MACF1: variants seen among roughly 807,000 people sequenced by gnomAD.
MACF1 encodes the protein microtubule-actin cross-linking factor 1.
MACF1 carries 193 observed loss-of-function variants against 854.8 expected under a neutral mutation model. The observed-to-expected ratio is 0.23, with a 90% CI of 0.20 to 0.25. The LOEUF is 0.25. Among genes scored for constraint, MACF1 ranks in the 10% least tolerant of loss-of-function variants. The probability of loss-of-function intolerance (pLI) is 1.00; values close to 1 mark genes in which losing one functional copy is unlikely to be tolerated. For synonymous variants in MACF1, 3,185 were observed against 3,226.7 expected, an observed-to-expected ratio of 0.99 and a Z score of 0.44; for missense variants, 7,722 against 8,929.1, an observed-to-expected ratio of 0.86 and a Z score of 5.45.
chr1:39,458,679 G>T, intron 90 of MACF1, 189 bp downstream of exon 90: 1 of 665,670 alleles, frequency 1.5e-6, no homozygotes, highest in Non-Finnish European at 2.4e-6. Context: ...ATATTCTTTG[G>T]TATGATTGGT....
intron 1 of MACF1, among the ~76,000 whole-genome samples, chr1:39,221,285 T>A (rs182111358): frequency 6.6e-6 from 1 of 152,204 alleles, no homozygotes; most frequent in East Asian, 1.9e-4. Flanking sequence ...AAAACTAAAG[T>A]GATCAAATCC....
intron 2 of MACF1, among the ~76,000 whole-genome samples, chr1:39,088,127 CTTGCCCGGCTAATTTT>C (rs1641719781): frequency 1.3e-5 from 2 of 152,330 alleles, no homozygotes; most frequent in South Asian, 4.1e-4. Context: ...CGCCTGCCAC[CTTGCCCGGCTAATTTT>C]TTGTATTTTT....
intron 63 of MACF1, among the ~76,000 whole-genome samples, chr1:39,428,900 T>G (rs1326052156): frequency 6.6e-6 from 1 of 152,222 alleles, no homozygotes; most frequent in Non-Finnish European, 1.5e-5. Context: ...TTTCTTCTCT[T>G]GAACTTTCTG....
intron 98 of MACF1, 53 bp downstream of exon 98, chr1:39,480,062 G>C (rs937962354): frequency 1.2e-5 from 14 of 1,135,480 alleles, no homozygotes; most frequent in South Asian, 3.9e-5. Flanking sequence ...CCTCACAGAT[G>C]TTCATTGTTC....
chr1:39,412,504 G>A (rs780764574), intron 58 of MACF1: 8 of 1,613,902 alleles, frequency 5.0e-6, no homozygotes, highest in Non-Finnish European at 6.8e-6. Flanking sequence ...CCCAGAGCAG[G>A]TCTTCCAGGA....
intron 43 of MACF1, among the ~76,000 whole-genome samples, chr1:39,352,052 CCTT>C (rs1278714236): frequency 9.9e-5 from 15 of 152,148 alleles, no homozygotes; most frequent in African/African-American, 3.6e-4. Flanking sequence ...TCTCAAATGA[CCTT>C]CTGCACCCCA....
In MACF1 at chr1:39,269,607, C is replaced by G. The variant is rs1001420218; in HGVS notation, c.528+11579C>G. 3.9e-6 allele frequency: 5 copies of G among 1,289,656 alleles called. No homozygotes were observed. In the Admixed American group the frequency reaches 9.2e-5, roughly 24 times the overall value. The allele number at this position is 1,289,656 out of a possible 1,614,324, so 79.9% of individuals were successfully genotyped here. A position where few individuals can be genotyped will look rare whatever the true frequency, so the allele number is the denominator to read the frequency against. ...CTATGGCAGTGATGGGCCACACATA[C>G]ATGGGATCCAGCCTAAAGATACAGA... On this transcript the variant is annotated intron_variant, in intron 6 of 100. Transcript: ENST00000564288.
At chr1:39,130,172 G>A (rs1642963796) in intron 2 of MACF1, among the ~76,000 whole-genome samples, 2 of 152,140 alleles carry the variant, frequency 1.3e-5, no homozygotes, top group African/African-American at 2.4e-5. Context: ...CCATTCATGG[G>A]GAATTCTTCT....
At chr1:39,285,495 T>C in intron 13 of MACF1, 105 bp downstream of exon 13, 5 of 1,515,042 alleles carry the variant, frequency 3.3e-6, no homozygotes, top group Non-Finnish European at 4.5e-6. Context: ...AGATGTATTA[T>C]TTCCCTTTTT....
At chr1:39,348,760 C>T (rs1024062433) in intron 41 of MACF1, among the ~76,000 whole-genome samples, 2 of 152,186 alleles carry the variant, frequency 1.3e-5, no homozygotes, top group African/African-American at 4.8e-5. Flanking sequence ...GCTTCAATGT[C>T]ATACAACTGA....
chr1:39,098,636 G>C (rs1337101641), intron 2 of MACF1, among the ~76,000 whole-genome samples: 3 of 152,200 alleles, frequency 2.0e-5, no homozygotes, highest in South Asian at 2.1e-4. Context: ...AGTTGGCTCT[G>C]ACGAGCCACG....
At chr1:39,410,303 G>A (rs745833983) in intron 58 of MACF1, 6 of 1,611,550 alleles carry the variant, frequency 3.7e-6, no homozygotes, top group Admixed American at 3.3e-5. Context: ...TGTTTAAGGC[G>A]GAACCCCAGC....
At chr1:39,254,852 G>T (rs1024945468) in intron 5 of MACF1, among the ~76,000 whole-genome samples, 4 of 152,112 alleles carry the variant, frequency 2.6e-5, no homozygotes, top group Non-Finnish European at 5.9e-5. Flanking sequence ...ACAGGAGAAA[G>T]ATATTTAGAG....
At chr1:39,151,973 A>G (rs192307178) in intron 2 of MACF1, among the ~76,000 whole-genome samples, 219 of 151,852 alleles carry the variant, frequency 1.4e-3, no homozygotes, top group African/African-American at 5.1e-3. Flanking sequence ...TAAAATATAT[A>G]TATTTTTTAT....
In MACF1 at chr1:39,193,674, A is replaced by G. The variant is rs142675603; in HGVS notation, c.221-37508A>G. ...TATCCCTTTTTGACATGAGATAACT[A>G]TGGATTAAAGAGATTAAGTAATTGG... On this transcript the variant is annotated intron_variant, in intron 2 of 93. Coordinates refer to the MACF1 transcript ENST00000361689. Among the ~76,000 whole-genome samples, 545 of 152,256 alleles carry G rather than the reference A, an allele frequency of 3.6e-3. 4 individuals are homozygous for G. The highest frequency in any genetic ancestry group is 0.012 in the African/African-American group (484 of 41,548).
At chr1:39,453,631 T>TC in intron 87 of MACF1, 76 bp from the exon 88 acceptor site, 3 of 1,274,116 alleles carry the variant, frequency 2.4e-6, no homozygotes, top group South Asian at 2.5e-5. Context: ...TTGAAATTTA[T>TC]CCCCCCTCAG....
intron 2 of MACF1, among the ~76,000 whole-genome samples, chr1:39,159,774 T>G (rs1462788202): frequency 6.6e-6 from 1 of 152,050 alleles, no homozygotes; most frequent in Admixed American, 6.5e-5. Flanking sequence ...CTTAAACCAT[T>G]TTTCTTTCAT....
At chr1:39,250,961 T>G (rs1645034226) in intron 3 of MACF1, among the ~76,000 whole-genome samples, 1 of 152,206 alleles carries the variant, frequency 6.6e-6, no homozygotes, top group Non-Finnish European at 1.5e-5. Flanking sequence ...CAGGGTTGAA[T>G]ACTGGAAATA....
intron 1 of MACF1, among the ~76,000 whole-genome samples, chr1:39,225,956 A>T (rs142643906): frequency 0.01 from 1,565 of 152,318 alleles, 18 homozygotes; most frequent in South Asian, 0.033. Context: ...CCTTGCTAAA[A>T]ATTAAGATAT....
Sources: allele counts gnomAD v4.1 joint callset (sites outside exome capture counted in the v4.1 genomes callset), GRCh38; gene constraint gnomAD v4.1.1; transcripts MANE v1.5; gene names NCBI Gene and HGNC (gene_info 2026-07-23, HGNC 2026-07-21).